The following PDS5A variants were observed in gnomAD, a reference collection of about 807,000 sequenced individuals.
The protein encoded by PDS5A is sister chromatid cohesion protein PDS5 homolog A.
Under a neutral mutation model 167.1 loss-of-function variants are expected in PDS5A, and 42 were observed. The observed-to-expected ratio is 0.25, with a 90% CI of 0.20 to 0.33. The LOEUF is 0.33. Among genes scored for constraint, PDS5A ranks in the 10% least tolerant of loss-of-function variants. The probability of loss-of-function intolerance (pLI) is 1.00; values close to 1 mark genes in which losing one functional copy is unlikely to be tolerated. For missense variants in PDS5A, 1,033 were observed against 1,605.9 expected (o/e 0.64, Z 6.10); for synonymous variants, 553 against 554.6 (o/e 1.00, Z 0.04).
At chr4:39,860,190 A>ACTG (rs2067961347) in intron 26 of PDS5A, among the ~76,000 whole-genome samples, 1 of 152,140 alleles carries the variant, frequency 6.6e-6, no homozygotes, top group Non-Finnish European at 1.5e-5. Context: ...TTGGCCGGGC[A>ACTG]CAGTGGCTCA....
chr4:39,832,247 T>C (rs890513405), intron 32 of PDS5A, among the ~76,000 whole-genome samples: 12 of 151,756 alleles, frequency 7.9e-5, no homozygotes, highest in Non-Finnish European at 1.8e-4. Context: ...GGAGTCTCAC[T>C]CTGTCGCCCA....
At chr4:39,831,353 C>T (rs1715851512) in intron 32 of PDS5A, among the ~76,000 whole-genome samples, 1 of 151,984 alleles carries the variant, frequency 6.6e-6, no homozygotes. Flanking sequence ...CCCACCTTGG[C>T]ATCCTAAAGT....
At chr4:39,842,909 T>TTTTATATATATATA (rs751901010) in intron 30 of PDS5A, among the ~76,000 whole-genome samples, 18 of 92,312 alleles carry the variant, frequency 1.9e-4, no homozygotes, top group African/African-American at 9.3e-4. Flanking sequence ...TATCCTATTT[T>TTTTATATATATATA]TATATATATA....
intron 20 of PDS5A, among the ~76,000 whole-genome samples, chr4:39,873,388 G>T (rs917906691): frequency 2.0e-5 from 3 of 152,066 alleles, no homozygotes; most frequent in African/African-American, 7.2e-5. Flanking sequence ...ACAAAAAGAA[G>T]TTTAAAGAAA....
chr4:39,902,310 CT>C, intron 13 of PDS5A, 36 bp downstream of exon 13: 1 of 940,600 alleles, frequency 1.1e-6, no homozygotes, highest in South Asian at 1.5e-5. Flanking sequence ...TTACGAAATC[CT>C]TAGAAAATAC....
chr4:39,842,154 C>T, intron 30 of PDS5A, 98 bp from the exon 31 acceptor site: 1 of 701,828 alleles, frequency 1.4e-6, no homozygotes, highest in Non-Finnish European at 2.5e-6. Flanking sequence ...GGTTTCGAAA[C>T]CTTGACAATT....
intron 2 of PDS5A, among the ~76,000 whole-genome samples, chr4:39,943,938 G>C (rs1343317523): frequency 6.6e-6 from 1 of 152,032 alleles, no homozygotes; most frequent in Non-Finnish European, 1.5e-5. Context: ...AGCACTTCAG[G>C]AGGCCGAGGC....
At chr4:39,927,576 T>C (rs1422132478) in intron 3 of PDS5A, among the ~76,000 whole-genome samples, 2 of 152,240 alleles carry the variant, frequency 1.3e-5, no homozygotes, top group South Asian at 2.1e-4. Flanking sequence ...TAGTTTTGCA[T>C]GCTGAATAAC....
intron 2 of PDS5A, among the ~76,000 whole-genome samples, chr4:39,953,146 T>A (rs1728571932): frequency 6.6e-6 from 1 of 152,160 alleles, no homozygotes; most frequent in African/African-American, 2.4e-5. Context: ...GGTTTAGAGG[T>A]CTTGGTTTCT....
intron 16 of PDS5A, among the ~76,000 whole-genome samples, chr4:39,893,131 A>T (rs891271282): frequency 6.6e-6 from 1 of 152,228 alleles, no homozygotes; most frequent in Admixed American, 6.5e-5. Context: ...CCTGGAAAAT[A>T]TTAAAATTTG....
At chr4:39,853,020 G>A (rs997787628) in intron 26 of PDS5A, among the ~76,000 whole-genome samples, 1 of 152,116 alleles carries the variant, frequency 6.6e-6, no homozygotes, top group Admixed American at 6.6e-5. Flanking sequence ...CTCAAGCAAC[G>A]CTCCTGCCTC....
At chr4:39,936,674 C>G (rs1355939831) in intron 2 of PDS5A, 2 of 152,082 alleles carry the variant, frequency 1.3e-5, no homozygotes, top group African/African-American at 2.4e-5. Context: ...GGTGATCTTC[C>G]CACCTTGGCC....
At chr4:39,973,025 T>TA in intron 2 of PDS5A, 1 of 552,146 alleles carries the variant, frequency 1.8e-6, no homozygotes. Context: ...TTTTTAAATT[T>TA]ATTTTATATT....
rs761818967 is a variant in PDS5A, at chr4:39,879,702, T to C, written c.1992+26A>G. Reference sequence around the variant, plus strand: ...CAAATTATGACCCCACGGAAATACATGGCAACAAAACTGTTTCAAAAATAC... The same window carrying C: ...CAAATTATGACCCCACGGAAATACACGGCAACAAAACTGTTTCAAAAATAC... On this transcript the variant is annotated intron_variant, in intron 18 of 32. Coordinates refer to ENST00000303538, the MANE Select transcript of PDS5A (RefSeq NM_001100399.2). 9.3e-6 allele frequency: 13 copies of C among 1,395,682 alleles called. No homozygotes were observed. In the East Asian group the frequency reaches 1.1e-4, roughly 12 times the overall value. The allele number at this position is 1,395,682 out of a possible 1,614,324, so 86.5% of individuals were successfully genotyped here. A position where few individuals can be genotyped will look rare whatever the true frequency, so the allele number is the denominator to read the frequency against.
chr4:39,941,951 A>G (rs1727263604), intron 2 of PDS5A, among the ~76,000 whole-genome samples: 1 of 152,194 alleles, frequency 6.6e-6, no homozygotes, highest in Admixed American at 6.5e-5. Context: ...AAAGTGAGCT[A>G]GTTTCATACT....
intron 5 of PDS5A, among the ~76,000 whole-genome samples, chr4:39,925,266 T>C (rs1044881863): frequency 2.0e-5 from 3 of 152,302 alleles, no homozygotes; most frequent in African/African-American, 4.8e-5. Flanking sequence ...AACTGGTCCT[T>C]GGGCAAGCCA....
At chr4:39,925,757 G>A in intron 5 of PDS5A, 79 bp downstream of exon 5, 1 of 437,604 alleles carries the variant, frequency 2.3e-6, no homozygotes, top group Admixed American at 4.3e-5. Flanking sequence ...AAATATCTTA[G>A]TGTACATGTA....
At chr4:39,871,908 G>A (rs1400224210) in intron 21 of PDS5A, among the ~76,000 whole-genome samples, 2 of 151,870 alleles carry the variant, frequency 1.3e-5, no homozygotes, top group Non-Finnish European at 2.9e-5. Flanking sequence ...GTTTCACCAT[G>A]TTGGCTAGGC....
intron 23 of PDS5A, among the ~76,000 whole-genome samples, chr4:39,864,805 CATAAG>C (rs1191498464): frequency 6.6e-6 from 1 of 152,102 alleles, no homozygotes; most frequent in Non-Finnish European, 1.5e-5. Context: ...ATTTTCACTC[CATAAG>C]ATGAGGAAAT....
Sources: gnomAD v4.1 joint callset for allele counts (sites outside exome capture counted in the v4.1 genomes callset) on GRCh38, gnomAD v4.1.1 for gene constraint, MANE v1.5 for transcripts, NCBI Gene and HGNC (gene_info 2026-07-23, HGNC 2026-07-21) for gene names.